The following SMOX variants were observed in gnomAD, a reference collection of about 807,000 sequenced individuals.
SMOX encodes the protein spermine oxidase, also known as flavin containing amine oxidase.
Under a neutral mutation model 51.0 loss-of-function variants are expected in SMOX, and 22 were observed. The ratio of observed to expected loss-of-function variants is 0.43; its 90% confidence interval spans 0.31 to 0.62. The LOEUF (loss-of-function observed/expected upper bound fraction) is 0.62, where lower values mean the gene tolerates loss of function less well. Among genes scored for constraint, SMOX ranks in the 20% least tolerant of loss-of-function variants. The pLI is 0.10. For missense variants in SMOX, 566 were observed against 777.7 expected (o/e 0.73, Z 3.24); for synonymous variants, 282 against 307.8 (o/e 0.92, Z 0.88).
chr20:4,181,145 C>G lies in SMOX; in HGVS notation c.436-658C>G, dbSNP rs556799798. 6.6e-6 allele frequency among the ~76,000 whole-genome samples: 1 copy of G among 152,248 alleles called. No homozygotes were observed. Among genetic ancestry groups the G allele is most frequent in the South Asian group, 2.1e-4 (1 of 4,826 alleles). Reference sequence around the variant, plus strand: ...GCTGGAGTTCTTGCTGAAACGTGCCCGTGAAATGCATCTCCCTTCCTTGGC... The same window carrying G: ...GCTGGAGTTCTTGCTGAAACGTGCCGGTGAAATGCATCTCCCTTCCTTGGC... On this transcript the variant is annotated intron_variant, in intron 3 of 6. Transcript: ENST00000305958. This position sits in a 1 kb window ranked among gnomAD's most constrained non-coding sequence, Gnocchi z 5.6.
At chr20:4,163,990 G>A (rs1436524581) in intron 1 of SMOX, among the ~76,000 whole-genome samples, 1 of 152,206 alleles carries the variant, frequency 6.6e-6, no homozygotes, top group East Asian at 1.9e-4. Context: ...GGATCATTGA[G>A]GGGCATCTTA....
At chr20:4,174,640 C>T (rs1178625067) in intron 1 of SMOX, among the ~76,000 whole-genome samples, 1 of 152,174 alleles carries the variant, frequency 6.6e-6, no homozygotes, top group East Asian at 1.9e-4. Context: ...GGCTGCCTCT[C>T]ATCTCCACTT....
In SMOX at chr20:4,153,716, G is replaced by A. The variant is rs1985871684; in HGVS notation, c.-27+4739G>A. Among the ~76,000 whole-genome samples the A allele has an allele frequency of 6.6e-6, 1 of 152,182 alleles. No individual in the cohort carries two copies. The highest frequency in any genetic ancestry group is 2.4e-5 in the African/African-American group (1 of 41,450). ...AGGCACAGGGAAAACATTGCTGTTG[G>A]AAGCTCACCAGCCTTCATGGTTGTC... On this transcript the variant is annotated intron_variant, in intron 1 of 6. Coordinates refer to ENST00000305958, the MANE Select transcript of SMOX (RefSeq NM_175839.3). The surrounding 1 kb of genome is among the most constrained non-coding windows in gnomAD (Gnocchi z 4.4).
chr20:4,185,945 C>CAAAT lies in SMOX; in HGVS notation c.1531-1309_1531-1306dup, dbSNP rs893196853. ...CTGGCGCCCTAAACACACACACACACAAATAAATAAATAAATAAAAAGAAA... is the reference window on the plus strand; with the variant it reads ...CTGGCGCCCTAAACACACACACACACAAATAAATAAATAAATAAATAAAAAGAAA... On this transcript the variant is annotated intron_variant, in intron 6 of 6. Coordinates refer to ENST00000305958, the MANE Select transcript of SMOX (RefSeq NM_175839.3). 9.9e-5 allele frequency among the ~76,000 whole-genome samples: 15 copies of CAAAT among 151,258 alleles called. No individual in the cohort carries two copies. The South Asian group carries it at 2.1e-3, about 21-fold the overall frequency.
chr20:4,181,330 G>T lies in SMOX; in HGVS notation c.436-473G>T, dbSNP rs2122572641. ...CCAGTCGTCAGGGGCCCTTCTGCTGGCCAGGCCACAGCTCCAGACTGCCCT... is the reference window on the plus strand; with the variant it reads ...CCAGTCGTCAGGGGCCCTTCTGCTGTCCAGGCCACAGCTCCAGACTGCCCT... On this transcript the variant is annotated intron_variant, in intron 3 of 6. Coordinates refer to ENST00000305958, the MANE Select transcript of SMOX (RefSeq NM_175839.3). This position sits in a 1 kb window ranked among gnomAD's most constrained non-coding sequence, Gnocchi z 5.6. Among the ~76,000 whole-genome samples, 1 of 152,322 alleles carries T rather than the reference G, an allele frequency of 6.6e-6. No homozygotes were observed. The highest frequency in any genetic ancestry group is 1.5e-5 in the Non-Finnish European group (1 of 68,022).
chr20:4,150,927 G>A (rs867348970), intron 1 of SMOX, among the ~76,000 whole-genome samples: 1 of 148,866 alleles, frequency 6.7e-6, no homozygotes, highest in African/African-American at 2.5e-5. Flanking sequence ...CACCTCCTGC[G>A]TTCAAGTGAT....
chr20:4,156,882 A>C (rs954293297), intron 1 of SMOX, among the ~76,000 whole-genome samples: 1 of 152,154 alleles, frequency 6.6e-6, no homozygotes, highest in African/African-American at 2.4e-5. Flanking sequence ...AGCTGGGATT[A>C]CAGGCGCTCA....
chr20:4,166,990 T>C lies in SMOX; in HGVS notation c.-26-8040T>C, dbSNP rs1040643529. Among the ~76,000 whole-genome samples, 2 of 152,202 alleles carry C rather than the reference T, an allele frequency of 1.3e-5. No homozygotes were observed. The highest frequency in any genetic ancestry group is 4.8e-5 in the African/African-American group (2 of 41,438). The stretch of plus-strand genomic sequence containing the variant: ...GCAGGATGATGGAGGCCTTCCCTGT[T>C]TTTGGCCTGTGAGGGCCAGGGGACA... On this transcript the variant is annotated intron_variant, in intron 1 of 6. Transcript: ENST00000305958. This position sits in a 1 kb window ranked among gnomAD's most constrained non-coding sequence, Gnocchi z 4.2.
chr20:4,185,358 G>T (rs573415828), intron 6 of SMOX, among the ~76,000 whole-genome samples: 46 of 152,270 alleles, frequency 3.0e-4, no homozygotes, highest in African/African-American at 1.1e-3. Context: ...TCACTACTCA[G>T]GGTAGGTAGA....
chr20:4,180,302 ATGG>A (rs1277001241), intron 3 of SMOX, among the ~76,000 whole-genome samples: 4 of 152,148 alleles, frequency 2.6e-5, no homozygotes, highest in African/African-American at 9.7e-5. Context: ...CTTGAGTGAG[ATGG>A]TGGTGGTGGC....
chr20:4,175,281 C>G lies in SMOX; in HGVS notation c.208+18C>G, dbSNP rs559310986. ...GAAACTTGGTAAGTGCCACCCAGTC[C>G]AGCCCAGCCACCTCCCCAGGTCACC... On this transcript the variant is annotated intron_variant, in intron 2 of 6. Coordinates refer to ENST00000305958, the MANE Select transcript of SMOX (RefSeq NM_175839.3). 2 of 1,610,538 alleles carry G rather than the reference C, an allele frequency of 1.2e-6. No homozygotes were observed. Among genetic ancestry groups the G allele is most frequent in the Non-Finnish European group, 1.7e-6 (2 of 1,177,190 alleles).
chr20:4,172,275 C>G lies in SMOX; in HGVS notation c.-26-2755C>G, dbSNP rs577089537. Among the ~76,000 whole-genome samples the G allele has an allele frequency of 2.6e-5, 4 of 152,284 alleles. No individual in the cohort carries two copies. Among genetic ancestry groups the G allele is most frequent in the African/African-American group, 9.6e-5 (4 of 41,554 alleles). On this transcript the variant is annotated intron_variant, in intron 1 of 6. Transcript: ENST00000305958. The surrounding 1 kb of genome is among the most constrained non-coding windows in gnomAD (Gnocchi z 7.7). ...CAGGGTGCCCAGGGTGGCGGCGTCCCCGTCGCAGCTGGCGCGGCCCCTCCG... is the reference window on the plus strand; with the variant it reads ...CAGGGTGCCCAGGGTGGCGGCGTCCGCGTCGCAGCTGGCGCGGCCCCTCCG...
At chr20:4,164,797 C>T (rs984589641) in intron 1 of SMOX, among the ~76,000 whole-genome samples, 5 of 152,088 alleles carry the variant, frequency 3.3e-5, no homozygotes, top group Non-Finnish European at 7.4e-5. Flanking sequence ...TGAGCACCAT[C>T]GCCTGTTGGC....
At chr20:4,150,205 C>T (rs1013166255) in intron 1 of SMOX, among the ~76,000 whole-genome samples, 1 of 152,196 alleles carries the variant, frequency 6.6e-6, no homozygotes, top group African/African-American at 2.4e-5. Context: ...CCTCCAGCTT[C>T]GGACCTTCTT....
chr20:4,155,687 T>G (rs1985989838), intron 1 of SMOX, among the ~76,000 whole-genome samples: 1 of 152,040 alleles, frequency 6.6e-6, no homozygotes, highest in South Asian at 2.1e-4. Context: ...GAAAAAACCA[T>G]CCGGGTTGTT....
Position 4,177,530 on chromosome 20 carries a change from A to T in SMOX, c.388A>T (p.Arg130Trp). 6.3e-7 allele frequency: 1 copy of T among 1,596,370 alleles called. No individual in the cohort carries two copies. Among genetic ancestry groups the T allele is most frequent in the Non-Finnish European group, 8.5e-7 (1 of 1,170,562 alleles). Residue 130 changes from arginine to tryptophan, a missense_variant, in exon 3 of 7, where the codon AGG becomes TGG. Transcript: ENST00000305958. This position sits in a 1 kb window ranked among gnomAD's most constrained non-coding sequence, Gnocchi z 4.3. ...CTGCTACCTTACCAACCACGGCCGCAGGATCCCCAAGGACGTGGTTGAGGA... is the reference window on the plus strand; with the variant it reads ...CTGCTACCTTACCAACCACGGCCGCTGGATCCCCAAGGACGTGGTTGAGGA... ...VACYLTNHGR[R>W]IPKDVVEEFS...
At chr20:4,178,343 C>G (rs1297603162) in intron 3 of SMOX, among the ~76,000 whole-genome samples, 4 of 152,098 alleles carry the variant, frequency 2.6e-5, no homozygotes, top group African/African-American at 4.8e-5. Context: ...GGCCTAATTT[C>G]TTAATTTTAA....
At chr20:4,155,099 A>T (rs1600794108) in intron 1 of SMOX, among the ~76,000 whole-genome samples, 1 of 152,048 alleles carries the variant, frequency 6.6e-6, no homozygotes. Flanking sequence ...AGGGCACCTT[A>T]TCTCTGTCCA....
At chr20:4,178,846 G>A (rs569925165) in intron 3 of SMOX, among the ~76,000 whole-genome samples, 3 of 152,106 alleles carry the variant, frequency 2.0e-5, no homozygotes, top group Non-Finnish European at 2.9e-5. Flanking sequence ...ACCATGCCCA[G>A]CTAATTTTGT....
Sources: gnomAD v4.1 joint callset for allele counts (sites outside exome capture counted in the v4.1 genomes callset) on GRCh38, gnomAD v4.1.1 for gene constraint, Gnocchi (gnomAD v3.1) non-coding constraint, MANE v1.5 for transcripts, NCBI Gene and HGNC (gene_info 2026-07-23, HGNC 2026-07-21) for gene names.